Variants in SLC1A7 observed in about 807,000 individuals in gnomAD.
SLC1A7 encodes the protein excitatory amino acid transporter 5.
SLC1A7 carries 40 observed loss-of-function variants against 47.7 expected under a neutral mutation model. The observed-to-expected ratio is 0.84, with a 90% confidence interval of 0.65 to 1.09. The LOEUF is 1.09. Among genes scored for constraint, SLC1A7 ranks in the 50% least tolerant of loss-of-function variants. The pLI is 0.00. For missense variants in SLC1A7, 746 were observed against 769.5 expected (o/e 0.97, Z 0.36); for synonymous variants, 323 against 325.6 (o/e 0.99, Z 0.09).
At chr1:53,131,833 G>T (rs1644944317) in intron 2 of SLC1A7, among the ~76,000 whole-genome samples, 1 of 152,226 alleles carries the variant, frequency 6.6e-6, no homozygotes, top group South Asian at 2.1e-4. Context: ...ACAAGTGAAT[G>T]CATATAGAAT....
intron 1 of SLC1A7, among the ~76,000 whole-genome samples, chr1:53,140,506 A>G (rs1645046748): frequency 6.6e-6 from 1 of 152,072 alleles, no homozygotes; most frequent in Admixed American, 6.5e-5. Flanking sequence ...AGCAATATGC[A>G]GCTTGGTGGG....
chr1:53,115,066 T>G, intron 2 of SLC1A7, 93 bp from the exon 3 acceptor site: 1 of 886,250 alleles, frequency 1.1e-6, no homozygotes, highest in South Asian at 1.5e-5. Context: ...CATGTCCAGC[T>G]GCCTCACAGT....
At chr1:53,092,135 G>A (rs1195784192) in intron 7 of SLC1A7, among the ~76,000 whole-genome samples, 1 of 152,272 alleles carries the variant, frequency 6.6e-6, no homozygotes, top group East Asian at 1.9e-4. Context: ...ACACTGCCAA[G>A]GTTGTGACAG....
intron 7 of SLC1A7, chr1:53,091,102 G>GC: frequency 1.4e-6 from 1 of 737,528 alleles, no homozygotes; most frequent in Non-Finnish European, 2.1e-6. Flanking sequence ...GCAGGGCCCT[G>GC]GGCCAGGCTG....
intron 5 of SLC1A7, 38 bp downstream of exon 5, chr1:53,103,308 G>C: frequency 6.7e-7 from 1 of 1,486,478 alleles, no homozygotes; most frequent in South Asian, 1.3e-5. Context: ...CTGGGGGCCC[G>C]GCTCCACGGC....
chr1:53,118,996 T>C (rs1242909828), intron 2 of SLC1A7, among the ~76,000 whole-genome samples: 1 of 152,104 alleles, frequency 6.6e-6, no homozygotes, highest in African/African-American at 2.4e-5. Flanking sequence ...AAACTCCGTT[T>C]CAAAAAAAAA....
intron 3 of SLC1A7, among the ~76,000 whole-genome samples, chr1:53,111,115 A>G (rs749937896): frequency 2.0e-5 from 3 of 152,166 alleles, no homozygotes; most frequent in Non-Finnish European, 4.4e-5. Context: ...GTAGTAAGAA[A>G]GGCTATGAGG....
intron 3 of SLC1A7, among the ~76,000 whole-genome samples, chr1:53,113,012 A>G (rs977081468): frequency 2.6e-5 from 4 of 151,782 alleles, no homozygotes; most frequent in Non-Finnish European, 5.9e-5. Flanking sequence ...CAGGCAGAGC[A>G]GGAAAGAGAA....
chr1:53,131,221 G>A (rs1180128249), intron 2 of SLC1A7, among the ~76,000 whole-genome samples: 3 of 152,184 alleles, frequency 2.0e-5, no homozygotes, highest in African/African-American at 4.8e-5. Flanking sequence ...ACGGGCCTTC[G>A]TTGCTGGGTA....
At chr1:53,137,299 A>AAAAAAAAAAAAAAAAAAAAAAAAAAATG (rs71044460) in intron 1 of SLC1A7, among the ~76,000 whole-genome samples, 1 of 139,694 alleles carries the variant, frequency 7.2e-6, no homozygotes, top group African/African-American at 2.7e-5. Flanking sequence ...AAAAAAAAAA[A>AAAAAAAAAAAAAAAAAAAAAAAAAAATG]GTGCTCTACT....
At chr1:53,116,828 C>G (rs1468469379) in intron 2 of SLC1A7, among the ~76,000 whole-genome samples, 2 of 152,232 alleles carry the variant, frequency 1.3e-5, no homozygotes, top group African/African-American at 4.8e-5. Flanking sequence ...CTCCTTCATT[C>G]ACGTGCATTC....
intron 3 of SLC1A7, among the ~76,000 whole-genome samples, chr1:53,114,222 A>G (rs1332902123): frequency 1.3e-5 from 2 of 152,134 alleles, no homozygotes; most frequent in African/African-American, 4.8e-5. Context: ...GCTTCCCTGG[A>G]GAGGGAGCCT....
chr1:53,101,775 C>T (rs571850254), intron 5 of SLC1A7, among the ~76,000 whole-genome samples: 38 of 151,760 alleles, frequency 2.5e-4, no homozygotes, highest in Non-Finnish European at 4.1e-4. Flanking sequence ...CACCCTGCCT[C>T]GGTACACTCA....
chr1:53,099,236 G>A (rs58696869), intron 5 of SLC1A7, among the ~76,000 whole-genome samples: 52 of 80,542 alleles, frequency 6.5e-4, no homozygotes, highest in African/African-American at 2.4e-3. Flanking sequence ...CTCACACACC[G>A]CCTCGGTACA....
intron 5 of SLC1A7, chr1:53,103,131 G>A: frequency 2.0e-6 from 1 of 493,424 alleles, no homozygotes; most frequent in Non-Finnish European, 3.6e-6. Context: ...AAATGGCCCA[G>A]ACGGGCCTGA....
chr1:53,122,482 C>T (rs1644836397), intron 2 of SLC1A7, among the ~76,000 whole-genome samples: 1 of 152,196 alleles, frequency 6.6e-6, no homozygotes, highest in Non-Finnish European at 1.5e-5. Context: ...AGCATCATGG[C>T]TTACTCTTCT....
chr1:53,089,757 AG>A (rs1644398797), intron 9 of SLC1A7, 42 bp downstream of exon 9: 3 of 1,606,590 alleles, frequency 1.9e-6, no homozygotes, highest in Non-Finnish European at 2.6e-6. Context: ...CCCTGAAGTC[AG>A]CCCCTCCCAG....
Position 53,110,756 on chromosome 1 carries a change from C to A in SLC1A7, c.431+4002G>T, listed in dbSNP as rs1039439004. Among the ~76,000 whole-genome samples, 3 of 152,234 alleles carry A rather than the reference C, an allele frequency of 2.0e-5. No individual in the cohort carries two copies. In the South Asian group the frequency reaches 6.2e-4, roughly 32 times the overall value. Reference sequence around the variant, plus strand: ...CCTCTTTCCTCGTCTTTAGGATGTTCACTCTCCTAGTTCTCCTCCTGCCTC... The same window carrying A: ...CCTCTTTCCTCGTCTTTAGGATGTTAACTCTCCTAGTTCTCCTCCTGCCTC... On this transcript the variant is annotated intron_variant, in intron 3 of 10. Transcript: ENST00000371494.
At chr1:53,130,811 C>T (rs1644935037) in intron 2 of SLC1A7, among the ~76,000 whole-genome samples, 1 of 152,066 alleles carries the variant, frequency 6.6e-6, no homozygotes, top group Non-Finnish European at 1.5e-5. Flanking sequence ...CAACCTCACA[C>T]CAGAGTGGCT....
Sources: gnomAD v4.1 joint callset for allele counts (sites outside exome capture counted in the v4.1 genomes callset) on GRCh38, gnomAD v4.1.1 for gene constraint, MANE v1.5 for transcripts, NCBI Gene and HGNC (gene_info 2026-07-23, HGNC 2026-07-21) for gene names.